Variants in GALNT17 observed in about 807,000 individuals in gnomAD.
GALNT17 encodes the protein polypeptide N-acetylgalactosaminyltransferase 17.
A neutral mutation model predicts 63.7 loss-of-function variants in GALNT17; 29 were observed. The observed-to-expected ratio is 0.46, with a 90% confidence interval of 0.34 to 0.62. GALNT17 has a LOEUF of 0.62. Among genes scored for constraint, GALNT17 ranks in the 20% least tolerant of loss-of-function variants. The pLI, the probability that GALNT17 is intolerant of heterozygous loss-of-function variation, is 0.01. For synonymous variants in GALNT17, 305 were observed against 318.3 expected, an observed-to-expected ratio of 0.96 and a Z score of 0.45; for missense variants, 603 against 799.6, an observed-to-expected ratio of 0.75 and a Z score of 2.97.
chr7:71,145,569 A>ACAAC (rs1788003868), intron 1 of GALNT17, among the ~76,000 whole-genome samples: 1 of 152,240 alleles, frequency 6.6e-6, no homozygotes, highest in Non-Finnish European at 1.5e-5. Flanking sequence ...TTGGTAGCAA[A>ACAAC]CAACCATGAG....
At chr7:71,172,578 C>G (rs1788565504) in intron 1 of GALNT17, among the ~76,000 whole-genome samples, 1 of 152,074 alleles carries the variant, frequency 6.6e-6, no homozygotes, top group African/African-American at 2.4e-5. Flanking sequence ...TTGGTTATCC[C>G]CAGAGCAATG....
intron 2 of GALNT17, among the ~76,000 whole-genome samples, chr7:71,355,052 G>A (rs1563027731): frequency 6.6e-6 from 1 of 151,924 alleles, no homozygotes; most frequent in Non-Finnish European, 1.5e-5. Flanking sequence ...TCCCCCTTTG[G>A]TTTCTTATTT....
At chr7:71,397,940 CTTTGTT>C (rs753620305) in intron 3 of GALNT17, among the ~76,000 whole-genome samples, 1 of 99,330 alleles carries the variant, frequency 1.0e-5, no homozygotes, top group Non-Finnish European at 2.1e-5. Context: ...CCATTATTGT[CTTTGTT>C]GTTGTTGTTG....
intron 3 of GALNT17, among the ~76,000 whole-genome samples, chr7:71,401,032 A>G (rs1291348298): frequency 6.6e-6 from 1 of 152,020 alleles, no homozygotes; most frequent in Non-Finnish European, 1.5e-5. Context: ...TTTTCCTTAA[A>G]CTACTATGAG....
At chr7:71,319,417 T>G (rs1321053795) in intron 1 of GALNT17, among the ~76,000 whole-genome samples, 2 of 152,114 alleles carry the variant, frequency 1.3e-5, no homozygotes, top group Non-Finnish European at 2.9e-5. Flanking sequence ...TGGCCTTTCT[T>G]TTTCTGATTC....
rs560955992 is a variant in GALNT17 at position 71,304,829 on chromosome 7, C to T, written c.239-30721C>T. On this transcript the variant is annotated intron_variant, in intron 1 of 10. Transcript: ENST00000333538. Reference sequence around the variant, plus strand: ...CAATGGCACGATCTCGGTTCACCTCCGCCTCTTGGGTTCAAGGGATTCTCC... The same window carrying T: ...CAATGGCACGATCTCGGTTCACCTCTGCCTCTTGGGTTCAAGGGATTCTCC... Among the ~76,000 whole-genome samples, 15 of 152,114 alleles carry T rather than the reference C, an allele frequency of 9.9e-5. No individual in the cohort carries two copies. The South Asian group carries it at 1.2e-3, about 13-fold the overall frequency.
At chr7:71,591,542 C>T (rs574858697) in intron 6 of GALNT17, among the ~76,000 whole-genome samples, 32 of 152,348 alleles carry the variant, frequency 2.1e-4, no homozygotes, top group African/African-American at 6.5e-4. Flanking sequence ...GGAAATTAGT[C>T]GCATGTCTGG....
At chr7:71,494,387 C>G (rs1386159171) in intron 5 of GALNT17, among the ~76,000 whole-genome samples, 1 of 152,048 alleles carries the variant, frequency 6.6e-6, no homozygotes, top group Non-Finnish European at 1.5e-5. Context: ...GCTCTGTCAC[C>G]CAGGCTGGAG....
At position 71,351,033 on chromosome 7, in the gene GALNT17, C is replaced by T. The variant is rs535469612; in HGVS notation, c.422+15300C>T. Among the ~76,000 whole-genome samples the T allele has an allele frequency of 1.7e-4, 26 of 152,306 alleles. 1 individual carries two copies. In the South Asian group the frequency reaches 5.4e-3, roughly 32 times the overall value. ...TTACACACCTGTAGTTCCAGCTACTCAGGAAGATGAGGCACAAGAATTGTT... is the reference window on the plus strand; with the variant it reads ...TTACACACCTGTAGTTCCAGCTACTTAGGAAGATGAGGCACAAGAATTGTT... On this transcript the variant is annotated intron_variant, in intron 2 of 10. Transcript: ENST00000333538.
intron 1 of GALNT17, among the ~76,000 whole-genome samples, chr7:71,185,382 T>C (rs1788830553): frequency 6.6e-6 from 1 of 151,420 alleles, no homozygotes; most frequent in Non-Finnish European, 1.5e-5. Flanking sequence ...ATTTTTTTTT[T>C]ATAGAGACAA....
intron 1 of GALNT17, among the ~76,000 whole-genome samples, chr7:71,237,054 G>A (rs1343968823): frequency 6.6e-6 from 1 of 152,134 alleles, no homozygotes; most frequent in Non-Finnish European, 1.5e-5. Flanking sequence ...GCACAAACAC[G>A]CTGCCACATT....
intron 1 of GALNT17, among the ~76,000 whole-genome samples, chr7:71,237,881 T>C (rs1169928978): frequency 6.6e-6 from 1 of 152,156 alleles, no homozygotes; most frequent in Non-Finnish European, 1.5e-5. Flanking sequence ...ACTGGTGGAC[T>C]AGATCTTTGT....
At chr7:71,288,048 C>CAA (rs35168193) in intron 1 of GALNT17, among the ~76,000 whole-genome samples, 2,784 of 86,060 alleles carry the variant, frequency 0.032, 176 homozygotes, top group African/African-American at 0.11. Context: ...GAGACTGTCT[C>CAA]AAAAAAAAAA....
chr7:71,246,455 C>T (rs567760244), intron 1 of GALNT17, among the ~76,000 whole-genome samples: 155 of 151,542 alleles, frequency 1.0e-3, no homozygotes, highest in African/African-American at 3.6e-3. Flanking sequence ...AATTTGGAAG[C>T]CACCTAAAAG....
intron 2 of GALNT17, among the ~76,000 whole-genome samples, chr7:71,365,055 C>T (rs1440330118): frequency 6.6e-6 from 1 of 150,970 alleles, no homozygotes; most frequent in African/African-American, 2.4e-5. Flanking sequence ...CTCAGCCTCC[C>T]AAGTAGCTGT....
intron 1 of GALNT17, among the ~76,000 whole-genome samples, chr7:71,214,862 G>T (rs1472340090): frequency 6.6e-6 from 1 of 152,166 alleles, no homozygotes; most frequent in East Asian, 1.9e-4. Context: ...ACAGGCGTGA[G>T]CCACCGCACC....
At chr7:71,270,538 C>CAAAAAAAAAAAAA (rs573250852) in intron 1 of GALNT17, among the ~76,000 whole-genome samples, 1 of 89,206 alleles carries the variant, frequency 1.1e-5, no homozygotes, top group Admixed American at 1.4e-4. Flanking sequence ...CCCACCCCAC[C>CAAAAAAAAAAAAA]AAAAAAAAAA....
intron 6 of GALNT17, among the ~76,000 whole-genome samples, chr7:71,665,164 A>T (rs1790965155): frequency 6.6e-6 from 1 of 152,078 alleles, no homozygotes; most frequent in Admixed American, 6.6e-5. Context: ...TTTAGTAGAG[A>T]CGAGGTTTCA....
chr7:71,504,226 C>CAA (rs573686607), intron 5 of GALNT17, among the ~76,000 whole-genome samples: 14 of 105,174 alleles, frequency 1.3e-4, no homozygotes, highest in Non-Finnish European at 2.6e-4. Flanking sequence ...GACTCCATCT[C>CAA]AAAAAAAAAA....
Sources: allele counts gnomAD v4.1 joint callset (sites outside exome capture counted in the v4.1 genomes callset), GRCh38; gene constraint gnomAD v4.1.1; transcripts MANE v1.5; gene names NCBI Gene and HGNC (gene_info 2026-07-23, HGNC 2026-07-21).